DPY19L4: variants seen among roughly 807,000 people sequenced by gnomAD.
The protein encoded by DPY19L4 is probable C-mannosyltransferase DPY19L4.
DPY19L4 carries 97 observed loss-of-function variants against 102.8 expected under a neutral mutation model. The observed-to-expected ratio is 0.94, with a 90% CI of 0.80 to 1.12. DPY19L4 has a LOEUF of 1.12. Ranked by LOEUF, DPY19L4 falls within the 50% of genes most tolerant of loss-of-function variation. The pLI is 0.00. For missense variants in DPY19L4, 815 were observed against 850.4 expected, an observed-to-expected ratio of 0.96 and a Z score of 0.52; for synonymous variants, 252 against 283.1, an observed-to-expected ratio of 0.89 and a Z score of 1.10.
At chr8:94,723,907 TGA>T (rs1302660092) in intron 1 of DPY19L4, among the ~76,000 whole-genome samples, 3 of 152,166 alleles carry the variant, frequency 2.0e-5, no homozygotes, top group African/African-American at 7.2e-5. Flanking sequence ...TATAAGTTCT[TGA>T]GAGATGATTG....
chr8:94,784,539 C>T (rs1463771669), intron 17 of DPY19L4, among the ~76,000 whole-genome samples: 1 of 152,160 alleles, frequency 6.6e-6, no homozygotes, highest in African/African-American at 2.4e-5. Flanking sequence ...AGTGATTCTT[C>T]TGCCTCAGTC....
At chr8:94,734,867 T>C in intron 3 of DPY19L4, 113 bp downstream of exon 3, 1 of 1,408,984 alleles carries the variant, frequency 7.1e-7, no homozygotes, top group Non-Finnish European at 9.7e-7. Flanking sequence ...AACAAAATGC[T>C]CCAGAAGCTG....
intron 16 of DPY19L4, among the ~76,000 whole-genome samples, chr8:94,782,488 G>A (rs1586424290): frequency 7.1e-6 from 1 of 140,682 alleles, no homozygotes; most frequent in East Asian, 1.9e-4. Context: ...CATAGGGAGA[G>A]GAATTACTGT....
chr8:94,783,458 A>G (rs922141791), intron 16 of DPY19L4, among the ~76,000 whole-genome samples: 1 of 111,848 alleles, frequency 8.9e-6, no homozygotes, highest in African/African-American at 3.1e-5. Context: ...TCTTTTTAGA[A>G]AAGTTTCTAT....
chr8:94,763,306 TTCTG>T (rs1274901367), intron 8 of DPY19L4, among the ~76,000 whole-genome samples: 3 of 150,524 alleles, frequency 2.0e-5, no homozygotes, highest in South Asian at 2.1e-4. Flanking sequence ...CTGATTTTTT[TTCTG>T]TCTTTTTGTT....
chr8:94,732,112 G>T (rs1373919944), intron 2 of DPY19L4, among the ~76,000 whole-genome samples: 1 of 151,862 alleles, frequency 6.6e-6, no homozygotes, highest in Non-Finnish European at 1.5e-5. Context: ...ATTATTTATT[G>T]ATATTTAATT....
rs1484808128 is a variant in DPY19L4 at position 94,788,021 on chromosome 8, T to TTAA, written c.1977_1979dup (p.Val659_Lys660insAsn). 1 of 1,488,220 alleles carries TTAA rather than the reference T, an allele frequency of 6.7e-7. No homozygotes were observed. The highest frequency in any genetic ancestry group is 2.2e-5 in the Admixed American group (1 of 45,292). The allele number at this position is 1,488,220 out of a possible 1,614,324, so 92.2% of individuals were successfully genotyped here. A position where few individuals can be genotyped will look rare whatever the true frequency, so the allele number is the denominator to read the frequency against. On this transcript the variant is annotated inframe_insertion, in exon 18 of 19. Coordinates refer to ENST00000414645, the MANE Select transcript of DPY19L4 (RefSeq NM_181787.3). Reference sequence around the variant, plus strand: ...GTGGGACCCATGAGAGGCTGTAGGGTTAAAGATTTATTAGACATTGCAAAT... The same window carrying TTAA: ...GTGGGACCCATGAGAGGCTGTAGGGTTAATAAAGATTTATTAGACATTGCAAAT...
Position 94,788,049 on chromosome 8 carries a change from C to A in DPY19L4, c.2004C>A (p.Gly668=). The A allele has an allele frequency of 7.0e-7, 1 of 1,433,912 alleles. No homozygotes were observed. The highest frequency in any genetic ancestry group is 9.2e-7 in the Non-Finnish European group (1 of 1,092,316). The allele number at this position is 1,433,912 out of a possible 1,614,324, so 88.8% of individuals were successfully genotyped here. A position where few individuals can be genotyped will look rare whatever the true frequency, so the allele number is the denominator to read the frequency against. ...RVKDLLDIAN[G]HMVCEEGDKL... is the part of the protein sequence containing the mutation. ...AAGATTTATTAGACATTGCAAATGG[C>A]CACGTAAGTAACCATTTGGAAAGTT... is the stretch of plus-strand genomic sequence containing the variant. Residue 668 remains glycine, a synonymous_variant, in exon 18 of 19, where the codon GGC becomes GGA. Coordinates refer to ENST00000414645, the MANE Select transcript of DPY19L4 (RefSeq NM_181787.3).
rs1418111810 is a variant in DPY19L4 at position 94,766,608 on chromosome 8, C to G, written c.1102-4C>G. The G allele has an allele frequency of 6.2e-7, 1 of 1,612,872 alleles. No individual in the cohort carries two copies. Among genetic ancestry groups the G allele is most frequent in the Non-Finnish European group, 8.5e-7 (1 of 1,179,514 alleles). On this transcript the variant is annotated splice_polypyrimidine_tract_variant and splice_region_variant and intron_variant, in intron 10 of 18. Transcript: ENST00000414645. ...TTTGTTTAACTGGTGTTTTTCTCTT[C>G]TAGATGTTTGTCCCACACAAAGAAA...
At chr8:94,783,960 T>C (rs1363758388) in intron 17 of DPY19L4, among the ~76,000 whole-genome samples, 158 bp downstream of exon 17, 2 of 152,352 alleles carry the variant, frequency 1.3e-5, no homozygotes, top group Admixed American at 6.5e-5. Flanking sequence ...TAATTAATAA[T>C]ACAGTTAACC....
intron 2 of DPY19L4, among the ~76,000 whole-genome samples, chr8:94,729,375 A>G (rs1439394379): frequency 6.6e-6 from 1 of 150,494 alleles, no homozygotes; most frequent in African/African-American, 2.4e-5. Flanking sequence ...CCGTCTTAAA[A>G]CACACACACA....
chr8:94,763,953 T>C (rs1383852230), intron 8 of DPY19L4, among the ~76,000 whole-genome samples: 2 of 152,190 alleles, frequency 1.3e-5, no homozygotes, highest in East Asian at 1.9e-4. Context: ...GGATTATAGA[T>C]GTGAGCCACC....
intron 1 of DPY19L4, among the ~76,000 whole-genome samples, chr8:94,723,198 C>T (rs1048507404): frequency 2.6e-5 from 4 of 152,140 alleles, no homozygotes; most frequent in Non-Finnish European, 4.4e-5. Flanking sequence ...AGTGGCCGGG[C>T]GTGGTGGCTC....
intron 6 of DPY19L4, among the ~76,000 whole-genome samples, chr8:94,743,479 TAA>T (rs906372836): frequency 1.2e-4 from 17 of 138,554 alleles, no homozygotes; most frequent in Non-Finnish European, 1.4e-4. Context: ...CATCTCTACT[TAA>T]AAAAAAAAAA....
At chr8:94,789,379 C>T (rs866989047) in intron 18 of DPY19L4, among the ~76,000 whole-genome samples, 13 of 152,242 alleles carry the variant, frequency 8.5e-5, no homozygotes, top group African/African-American at 2.6e-4. Flanking sequence ...TAATTCTACA[C>T]GAGAAGAGTG....
At chr8:94,763,013 A>G (rs1047694873) in intron 8 of DPY19L4, among the ~76,000 whole-genome samples, 1 of 151,650 alleles carries the variant, frequency 6.6e-6, no homozygotes, top group Non-Finnish European at 1.5e-5. Flanking sequence ...CGGTGGCTCA[A>G]TCTCAGCTCA....
chr8:94,780,994 G>C (rs1246822256), intron 15 of DPY19L4, 90 bp from the exon 16 acceptor site: 20 of 1,077,170 alleles, frequency 1.9e-5, no homozygotes, highest in Non-Finnish European at 2.6e-5. Context: ...TAGTCTGTTA[G>C]TCTTTTGAAA....
At chr8:94,725,812 A>AT (rs561599311) in intron 1 of DPY19L4, among the ~76,000 whole-genome samples, 55 of 147,596 alleles carry the variant, frequency 3.7e-4, no homozygotes, top group East Asian at 1.8e-3. Context: ...ATTTTTTGGT[A>AT]TTTTTTTTTT....
intron 11 of DPY19L4, among the ~76,000 whole-genome samples, chr8:94,768,102 A>C (rs960850652): frequency 1.3e-5 from 2 of 152,186 alleles, no homozygotes; most frequent in Non-Finnish European, 2.9e-5. Context: ...TTCTAGATAA[A>C]GATAGAAACC....
Sources: allele counts gnomAD v4.1 joint callset (sites outside exome capture counted in the v4.1 genomes callset), GRCh38; gene constraint gnomAD v4.1.1; transcripts MANE v1.5; gene names NCBI Gene and HGNC (gene_info 2026-07-23, HGNC 2026-07-21).